NRXN1: variants seen among roughly 807,000 people sequenced by gnomAD.
The protein encoded by NRXN1 is neurexin-1.
A neutral mutation model predicts 150.9 loss-of-function variants in NRXN1; 39 were observed. The ratio of observed to expected loss-of-function variants is 0.26; its 90% confidence interval spans 0.20 to 0.34. NRXN1 has a LOEUF of 0.34. Among genes scored for constraint, NRXN1 ranks in the 10% least tolerant of loss-of-function variants. The pLI is 1.00. For missense variants in NRXN1, 1,815 were observed against 1,949.9 expected (o/e 0.93, Z 1.30); for synonymous variants, 924 against 757.0 (o/e 1.22, Z -3.62).
chr2:50,385,522 G>T (rs918880062), intron 17 of NRXN1, among the ~76,000 whole-genome samples: 6 of 152,154 alleles, frequency 3.9e-5, no homozygotes, highest in Admixed American at 2.6e-4. Context: ...GTGGCATGTG[G>T]CTTACACCTC....
At chr2:51,012,790 A>T (rs1668085971) in intron 2 of NRXN1, among the ~76,000 whole-genome samples, 1 of 152,044 alleles carries the variant, frequency 6.6e-6, no homozygotes, top group Non-Finnish European at 1.5e-5. Context: ...TTTCCTGGGA[A>T]ACCAAAAACA....
Position 50,347,615 on chromosome 2 carries a change from T to TA in NRXN1, c.3365-110646dup, listed in dbSNP as rs1308586789. The TA allele has an allele frequency of 1.2e-5, 12 of 1,005,444 alleles. No homozygotes were observed. The highest frequency in any genetic ancestry group is 1.1e-4 in the Admixed American group (2 of 17,672). 62.3% of individuals were successfully genotyped at this position (1,005,444 alleles called of 1,614,324 possible). A position where few individuals can be genotyped will look rare whatever the true frequency, so the allele number is the denominator to read the frequency against. ...TCCGCGTCCGCCGCCTCCTGACACT[T>TA]ACGCCCGGCGAGGGGTTCAGAGGGA... On this transcript the variant is annotated intron_variant, in intron 17 of 22. Coordinates refer to ENST00000401669, the MANE Select transcript of NRXN1 (RefSeq NM_001330078.2). The surrounding 1 kb of genome is among the most constrained non-coding windows in gnomAD (Gnocchi z 4.9).
chr2:50,712,428 C>G (rs1324842866), intron 5 of NRXN1, among the ~76,000 whole-genome samples: 1 of 152,150 alleles, frequency 6.6e-6, no homozygotes, highest in Non-Finnish European at 1.5e-5. Context: ...TCTCCTGTAT[C>G]AGTGTAATAG....
intron 5 of NRXN1, among the ~76,000 whole-genome samples, chr2:50,701,854 G>A (rs1233879449): frequency 2.6e-5 from 4 of 152,038 alleles, no homozygotes; most frequent in African/African-American, 9.7e-5. Flanking sequence ...CCTTTTATGT[G>A]ACTTCCCAGT....
chr2:50,484,586 C>G (rs146017853), intron 15 of NRXN1, among the ~76,000 whole-genome samples: 217 of 152,296 alleles, frequency 1.4e-3, no homozygotes, highest in African/African-American at 5.1e-3. Flanking sequence ...AATCACCCAA[C>G]CAAGTACTAG....
At chr2:50,955,960 A>T (rs1372806011) in intron 2 of NRXN1, among the ~76,000 whole-genome samples, 2 of 152,150 alleles carry the variant, frequency 1.3e-5, no homozygotes, top group African/African-American at 2.4e-5. Flanking sequence ...AAAACACATG[A>T]AACATGTTTG....
chr2:50,434,043 A>ATCTTTTTT lies in NRXN1; in HGVS notation c.3364+31398_3364+31399insAAAAAAGA, dbSNP rs1553609855. Among the ~76,000 whole-genome samples, 5 of 72,142 alleles carry ATCTTTTTT rather than the reference A, an allele frequency of 6.9e-5. 1 individual carries two copies. The highest frequency in any genetic ancestry group is 4.4e-4 in the East Asian group (1 of 2,282). 47.3% of individuals were successfully genotyped at this position (72,142 alleles called of 152,430 possible). A position where few individuals can be genotyped will look rare whatever the true frequency, so the allele number is the denominator to read the frequency against. On this transcript the variant is annotated intron_variant, in intron 17 of 22. Coordinates refer to ENST00000401669, the MANE Select transcript of NRXN1 (RefSeq NM_001330078.2). ...ACTCCTTGCTTCCGGTATCTAAGCC[A>ATCTTTTTT]TTTTTTTTTTTTTTTTTTTTTTTTT...
chr2:50,001,455 G>A (rs560864181), intron 21 of NRXN1, among the ~76,000 whole-genome samples: 2 of 151,886 alleles, frequency 1.3e-5, no homozygotes, highest in African/African-American at 2.4e-5. Flanking sequence ...AAGCATTTAG[G>A]GGGTATATAA....
chr2:50,371,239 T>C (rs1433685884), intron 17 of NRXN1, among the ~76,000 whole-genome samples: 1 of 151,968 alleles, frequency 6.6e-6, no homozygotes, highest in Non-Finnish European at 1.5e-5. Flanking sequence ...GTGCTTTCAT[T>C]TGATTATTAC....
At chr2:50,089,893 C>T (rs935281489) in intron 19 of NRXN1, among the ~76,000 whole-genome samples, 4 of 152,126 alleles carry the variant, frequency 2.6e-5, no homozygotes, top group African/African-American at 7.2e-5. Context: ...GGCTATGTAA[C>T]ATTGCATGCA....
chr2:50,605,634 A>G (rs1559007625), intron 8 of NRXN1, among the ~76,000 whole-genome samples: 1 of 152,206 alleles, frequency 6.6e-6, no homozygotes, highest in Non-Finnish European at 1.5e-5. Context: ...CAAAAAAGAA[A>G]AAAACAACAA....
chr2:50,196,185 A>AT (rs1182653856), intron 18 of NRXN1, among the ~76,000 whole-genome samples: 1 of 151,978 alleles, frequency 6.6e-6, no homozygotes, highest in Admixed American at 6.6e-5. Flanking sequence ...ATCTGCTGTC[A>AT]TTGTTCAGCT....
At chr2:50,130,484 A>T (rs1705310809) in intron 18 of NRXN1, among the ~76,000 whole-genome samples, 1 of 152,168 alleles carries the variant, frequency 6.6e-6, no homozygotes, top group South Asian at 2.1e-4. Flanking sequence ...GCAGCAAAAG[A>T]ATTGGGGTTA....
chr2:50,868,725 G>C (rs949621032), intron 5 of NRXN1, among the ~76,000 whole-genome samples: 1 of 151,746 alleles, frequency 6.6e-6, no homozygotes, highest in Non-Finnish European at 1.5e-5. Flanking sequence ...AAATTTCAGA[G>C]AGACTCATTG....
chr2:50,925,775 G>T (rs1417359185), intron 3 of NRXN1, among the ~76,000 whole-genome samples, 163 bp downstream of exon 3: 4 of 151,850 alleles, frequency 2.6e-5, no homozygotes, highest in Non-Finnish European at 4.4e-5. Flanking sequence ...GGATGGCAGG[G>T]TTGAGAATGT....
intron 11 of NRXN1, 37 bp from the exon 12 acceptor site, chr2:50,528,688 T>C (rs201389007): frequency 2.1e-5 from 29 of 1,393,242 alleles, no homozygotes; most frequent in Non-Finnish European, 2.6e-5. Flanking sequence ...TGAAAATTCA[T>C]CCTTCAAGGT....
chr2:50,956,244 TCTTA>T (rs1692265714), intron 2 of NRXN1, among the ~76,000 whole-genome samples: 1 of 152,176 alleles, frequency 6.6e-6, no homozygotes. Flanking sequence ...GCTGTTAACC[TCTTA>T]CTGTGCCTAT....
chr2:50,331,200 T>C (rs1003108884), intron 17 of NRXN1, among the ~76,000 whole-genome samples: 1 of 152,108 alleles, frequency 6.6e-6, no homozygotes, highest in African/African-American at 2.4e-5. Context: ...TGATAAAATA[T>C]ATGCTGGAAA....
chr2:50,448,875 A>G (rs967957406), intron 17 of NRXN1, among the ~76,000 whole-genome samples: 5 of 152,138 alleles, frequency 3.3e-5, no homozygotes, highest in Admixed American at 2.6e-4. Flanking sequence ...TATACAAAAT[A>G]AAATAAAATA....
Sources: allele counts gnomAD v4.1 joint callset (sites outside exome capture counted in the v4.1 genomes callset), GRCh38; gene constraint gnomAD v4.1.1; non-coding constraint Gnocchi (gnomAD v3.1); transcripts MANE v1.5; gene names NCBI Gene and HGNC (gene_info 2026-07-23, HGNC 2026-07-21).